The following MCF2 variants were observed in gnomAD, a reference collection of about 807,000 sequenced individuals.
MCF2 encodes the protein MCF.2 cell line derived transforming sequence, also known as proto-oncogene DBL.
A neutral mutation model predicts 82.5 loss-of-function variants in MCF2; 44 were observed. That is an observed-to-expected ratio of 0.53 (90% CI 0.42 to 0.69). MCF2 has a LOEUF of 0.69. MCF2 is among the 30% of genes least tolerant of loss of function. The pLI is 0.00. For missense variants in MCF2, 623 were observed against 663.1 expected (o/e 0.94, Z 0.66); for synonymous variants, 217 against 224.9 (o/e 0.96, Z 0.32).
At chrX:139,610,318 T>C in exon 11 of MCF2, 1 of 1,177,978 alleles carries the variant, frequency 8.5e-7, no homozygotes, top group Non-Finnish European at 1.1e-6. Context: ...TTGCTCTGAT[T>C]TTGTCTCCAA....
intron 19 of MCF2, among the ~76,000 whole-genome samples, chrX:139,591,877 C>G (rs1929549059): frequency 9.2e-6 from 1 of 108,993 alleles, no homozygotes; most frequent in Admixed American, 9.9e-5. Flanking sequence ...AGATGTACCC[C>G]CTGAATCTAA....
intron 1 of MCF2, among the ~76,000 whole-genome samples, chrX:139,635,027 T>C (rs1427158083): frequency 3.6e-5 from 4 of 111,518 alleles, no homozygotes. Context: ...GCCCAGGAAG[T>C]TGAGCCTGCA....
intron 14 of MCF2, 53 bp downstream of exon 18, chrX:139,604,816 A>G (rs1466051224): frequency 9.4e-7 from 1 of 1,059,004 alleles, no homozygotes; most frequent in African/African-American, 1.9e-5. Flanking sequence ...TGGTAAAGAG[A>G]GCACTTTAAA....
At chrX:139,595,332 G>A (rs1409960851) in intron 19 of MCF2, among the ~76,000 whole-genome samples, 1 of 110,008 alleles carries the variant, frequency 9.1e-6, no homozygotes, top group Non-Finnish European at 1.9e-5. Context: ...CAACCCAAAT[G>A]TCCAACAATG....
In MCF2 at chrX:139,652,940, C is replaced by A. The variant is rs140668985; in HGVS notation, c.-44-1152G>T. Among the ~76,000 whole-genome samples the A allele has an allele frequency of 8.1e-3, 902 of 110,943 alleles. 9 individuals carry two copies. Among genetic ancestry groups the A allele is most frequent in the African/African-American group, 0.028 (857 of 30,499 alleles). ...TGGAATAGGTTATCTGTTATAGACA[C>A]CCCCCCGACACATGATTAGAAACAT... On this transcript the variant is annotated intron_variant, in intron 1 of 27. Transcript: ENST00000414978.
At chrX:139,599,866 T>C (rs1018772123) in intron 16 of MCF2, among the ~76,000 whole-genome samples, 1 of 111,842 alleles carries the variant, frequency 8.9e-6, no homozygotes, top group African/African-American at 3.2e-5. Flanking sequence ...GCAAAAGCAT[T>C]CTCAGCAGCA....
Position 139,589,942 on chromosome X carries a change from T to A in MCF2, c.2278-15A>T. Reference sequence around the variant, plus strand: ...ACTTCATCCATCTATAATAAATAAGTCAAAATTTTCATGAGCATTTTATTT... The same window carrying A: ...ACTTCATCCATCTATAATAAATAAGACAAAATTTTCATGAGCATTTTATTT... On this transcript the variant is annotated splice_polypyrimidine_tract_variant and intron_variant, in intron 19 of 24. Transcript: ENST00000370576. 1 of 985,403 alleles carries A rather than the reference T, an allele frequency of 1.0e-6. No individual in the cohort carries two copies. Among genetic ancestry groups the A allele is most frequent in the Non-Finnish European group, 1.4e-6 (1 of 712,230 alleles). 81.2% of individuals were successfully genotyped at this position (985,403 alleles called of 1,213,427 possible). A position where few individuals can be genotyped will look rare whatever the true frequency, so the allele number is the denominator to read the frequency against.
intron 1 of MCF2, among the ~76,000 whole-genome samples, chrX:139,662,955 G>A (rs745595410): frequency 2.7e-5 from 3 of 111,841 alleles, no homozygotes; most frequent in East Asian, 5.6e-4. Flanking sequence ...TTTCATCCAT[G>A]TTGCTGCAAA....
chrX:139,587,867 TCACACA>T (rs3830799), intron 21 of MCF2, 79 bp from the exon 26 acceptor site: 10,523 of 467,028 alleles, frequency 0.023, 152 homozygotes, highest in East Asian at 0.11. Context: ...TTTCTCTCTC[TCACACA>T]CACACACACA....
chrX:139,687,713 A>C, intron 1 of MCF2, among the ~76,000 whole-genome samples: 1 of 112,793 alleles, frequency 8.9e-6, no homozygotes, highest in Middle Eastern at 4.6e-3. Flanking sequence ...AGGAAGTAAA[A>C]TATTACAATT....
At chrX:139,667,264 G>C (rs780549767) in intron 1 of MCF2, among the ~76,000 whole-genome samples, 7 of 104,082 alleles carry the variant, frequency 6.7e-5, no homozygotes, top group African/African-American at 2.5e-4. Flanking sequence ...GTGCCACCAT[G>C]CTTGGCTTAT....
chrX:139,584,301 A>G, intron 24 of MCF2, among the ~76,000 whole-genome samples: 1 of 110,059 alleles, frequency 9.1e-6, no homozygotes, highest in African/African-American at 3.3e-5. Flanking sequence ...ACAACCGCCT[A>G]ATTTTGTATT....
At chrX:139,586,320 T>C in intron 23 of MCF2, 58 bp downstream of exon 27, 1 of 833,242 alleles carries the variant, frequency 1.2e-6, no homozygotes, top group Non-Finnish European at 1.8e-6. Context: ...AAATTAATAA[T>C]ACGAGGTAAA....
At chrX:139,693,640 T>G (rs1242159238) in intron 1 of MCF2, among the ~76,000 whole-genome samples, 4 of 111,843 alleles carry the variant, frequency 3.6e-5, no homozygotes, top group African/African-American at 1.3e-4. Context: ...GGCAGAATGT[T>G]TGCCAGCCTC....
Position 139,603,628 on chromosome X carries a change from G to A in MCF2, c.1743+1053C>T, listed in dbSNP as rs906698784. ...AGGTGGGCAGATCACGAGGTCAGGA[G>A]ATCGAGACCATCCTCGCTAACACGG... On this transcript the variant is annotated intron_variant, in intron 15 of 24. Coordinates refer to ENST00000370576, the Ensembl canonical transcript of MCF2. Among the ~76,000 whole-genome samples the A allele has an allele frequency of 8.9e-5, 10 of 111,972 alleles. No individual in the cohort carries two copies. The East Asian group carries it at 1.7e-3, about 19-fold the overall frequency.
intron 7 of MCF2, among the ~76,000 whole-genome samples, chrX:139,619,278 T>C (rs755973452): frequency 8.2e-4 from 91 of 110,521 alleles, no homozygotes; most frequent in African/African-American, 2.2e-3. Flanking sequence ...CTGGCCTGCA[T>C]TGAACAAAAC....
intron 1 of MCF2, among the ~76,000 whole-genome samples, chrX:139,636,799 C>T (rs1366680898): frequency 8.9e-6 from 1 of 111,803 alleles, no homozygotes; most frequent in Non-Finnish European, 1.9e-5. Flanking sequence ...TTCAGCTGCT[C>T]ATAAGCTAGG....
intron 10 of MCF2, among the ~76,000 whole-genome samples, chrX:139,613,739 A>G (rs1444859643): frequency 9.0e-6 from 1 of 110,639 alleles, no homozygotes; most frequent in Non-Finnish European, 1.9e-5. Flanking sequence ...TTATCCCCTT[A>G]CTGTTTTTTA....
At chrX:139,610,423 A>C in intron 10 of MCF2, 85 bp from the exon 15 acceptor site, 1 of 537,007 alleles carries the variant, frequency 1.9e-6, no homozygotes, top group Non-Finnish European at 2.9e-6. Context: ...TTATTAAATA[A>C]CTTGAGTTAA....
Sources: gnomAD v4.1 joint callset for allele counts (sites outside exome capture counted in the v4.1 genomes callset) on GRCh38, gnomAD v4.1.1 for gene constraint, MANE v1.5 for transcripts, NCBI Gene and HGNC (gene_info 2026-07-23, HGNC 2026-07-21) for gene names.